HSD17B4: variants seen among roughly 807,000 people sequenced by gnomAD.
HSD17B4 encodes hydroxysteroid 17-beta dehydrogenase 4.
A neutral mutation model predicts 101.0 loss-of-function variants in HSD17B4; 70 were observed. That is an observed-to-expected ratio of 0.69 (90% CI 0.57 to 0.85). The LOEUF (loss-of-function observed/expected upper bound fraction) is 0.85. Among genes scored for constraint, HSD17B4 ranks in the 40% least tolerant of loss-of-function variants. HSD17B4 has a pLI of 0.00. For missense variants in HSD17B4, 984 were observed against 892.4 expected (o/e 1.10, Z -1.31); for synonymous variants, 347 against 297.1 (o/e 1.17, Z -1.73).
At chr5:119,510,753 T>C (rs1752094089) in intron 16 of HSD17B4, among the ~76,000 whole-genome samples, 1 of 152,206 alleles carries the variant, frequency 6.6e-6, no homozygotes, top group African/African-American at 2.4e-5. Context: ...TTGTTCTTCC[T>C]CTCCTGGCTG....
chr5:119,481,924 T>A (rs753780660), intron 8 of HSD17B4, among the ~76,000 whole-genome samples: 3 of 152,136 alleles, frequency 2.0e-5, no homozygotes, highest in Non-Finnish European at 2.9e-5. Flanking sequence ...TTTTTCCCCC[T>A]CTGTCTTCTT....
chr5:119,507,217 G>T (rs1751734193), intron 15 of HSD17B4, among the ~76,000 whole-genome samples: 1 of 152,182 alleles, frequency 6.6e-6, no homozygotes, highest in Admixed American at 6.5e-5. Context: ...AGGAATATTA[G>T]ATAGTCCTCA....
At chr5:119,533,494 C>G (rs1164630064) in intron 22 of HSD17B4, among the ~76,000 whole-genome samples, 2 of 151,876 alleles carry the variant, frequency 1.3e-5, no homozygotes, top group Non-Finnish European at 2.9e-5. Context: ...CTGATTATGT[C>G]TAAAAATCAA....
chr5:119,488,906 T>G (rs527273216), intron 8 of HSD17B4, among the ~76,000 whole-genome samples: 55 of 152,292 alleles, frequency 3.6e-4, no homozygotes, highest in African/African-American at 1.2e-3. Context: ...CTCACCAATC[T>G]TTGTCTAGGC....
chr5:119,529,973 C>T lies in HSD17B4; in HGVS notation c.1847C>T (p.Pro616Leu). The T allele has an allele frequency of 6.3e-7, 1 of 1,588,086 alleles. No individual in the cohort carries two copies. Among genetic ancestry groups the T allele is most frequent in the Non-Finnish European group, 8.6e-7 (1 of 1,156,890 alleles). ...APTSGTSAKT[P>L]SEGGKLQSTF... is the part of the protein sequence containing the mutation. The stretch of plus-strand genomic sequence containing the variant: ...ACATCTGGTACTTCAGCTAAGACAC[C>T]CTCTGAGGTAGGTTATAAAAATTAG... Residue 616 changes from proline to leucine, a missense_variant, in exon 21 of 24, where the codon CCC (proline) becomes CTC (leucine). By Grantham distance (98) the Pro-to-Leu change is moderately conservative. Coordinates refer to ENST00000510025, the MANE Select transcript of HSD17B4 (RefSeq NM_000414.4).
In HSD17B4 at chr5:119,474,448, T is replaced by G; in HGVS notation, c.268T>G (p.Phe90Val). ...GGTTGTGAAGACAGCCCTGGATGCT[T>G]TTGGAAGAATAGGTGATGTTTCTTT... ...EKVVKTALDA[F>V]GRIDVVVNNA... Residue 90 changes from phenylalanine to valine, a missense_variant, in exon 4 of 24, where the codon TTT (phenylalanine) becomes GTT (valine). Phe to Val is a conservative substitution (Grantham distance 50, BLOSUM62 -1). Transcript: ENST00000510025. The G allele has an allele frequency of 6.2e-7, 1 of 1,600,800 alleles. No individual in the cohort carries two copies. The highest frequency in any genetic ancestry group is 8.6e-7 in the Non-Finnish European group (1 of 1,167,920).
At chr5:119,535,866 C>T (rs1415236844) in intron 22 of HSD17B4, 1 of 154,234 alleles carries the variant, frequency 6.5e-6, no homozygotes. Context: ...CTGTAGTGAC[C>T]CTTTGTGATT....
intron 15 of HSD17B4, among the ~76,000 whole-genome samples, chr5:119,507,661 G>A (rs930462930): frequency 6.6e-6 from 1 of 151,736 alleles, no homozygotes; most frequent in South Asian, 2.1e-4. Context: ...GCGGGCGCCT[G>A]TAGTCCCGGC....
chr5:119,476,558 C>T (rs1011651747), intron 6 of HSD17B4: 1 of 985,012 alleles, frequency 1.0e-6, no homozygotes, highest in Non-Finnish European at 1.2e-6. Flanking sequence ...GCCTGACTGT[C>T]TTTTGGAAGA....
intron 2 of HSD17B4, among the ~76,000 whole-genome samples, chr5:119,467,663 T>C (rs1449759778): frequency 6.6e-6 from 1 of 152,236 alleles, no homozygotes; most frequent in Non-Finnish European, 1.5e-5. Flanking sequence ...ACATTTATAT[T>C]TTAAAAACCA....
intron 8 of HSD17B4, among the ~76,000 whole-genome samples, 186 bp downstream of exon 8, chr5:119,479,207 A>G (rs1458855177): frequency 6.6e-6 from 1 of 152,140 alleles, no homozygotes; most frequent in Admixed American, 6.6e-5. Flanking sequence ...ATAAAAAATG[A>G]CCCATAATTC....
intron 9 of HSD17B4, among the ~76,000 whole-genome samples, chr5:119,491,156 CTTA>C (rs1449304123): frequency 6.6e-6 from 1 of 152,094 alleles, no homozygotes; most frequent in Non-Finnish European, 1.5e-5. Flanking sequence ...GAACTTGTAG[CTTA>C]TTACTTCGCT....
In HSD17B4 at chr5:119,510,545, C is replaced by T. The variant is rs141471116; in HGVS notation, c.1437+1301C>T. Among the ~76,000 whole-genome samples the T allele has an allele frequency of 1.1e-4, 17 of 152,256 alleles. No individual in the cohort carries two copies. In the East Asian group the frequency reaches 1.2e-3, roughly 10 times the overall value. On this transcript the variant is annotated intron_variant, in intron 16 of 23. Coordinates refer to ENST00000510025, the MANE Select transcript of HSD17B4 (RefSeq NM_000414.4). ...TGGGAAAAGACTTCTGGAATGGTGACGTAAGAAGCTCCTTGGACTTTCTTG... is the reference window on the plus strand; with the variant it reads ...TGGGAAAAGACTTCTGGAATGGTGATGTAAGAAGCTCCTTGGACTTTCTTG...
At position 119,518,162 on chromosome 5, in the gene HSD17B4, C is replaced by T. The variant is rs959429270; in HGVS notation, c.1503+3116C>T. On this transcript the variant is annotated intron_variant, in intron 17 of 23. Coordinates refer to ENST00000510025, the MANE Select transcript of HSD17B4 (RefSeq NM_000414.4). The stretch of plus-strand genomic sequence containing the variant: ...TCACTCTTTGCAATAAATCTTGCTA[C>T]TGCTCACTCTTTGGGTCCACACTGC... Among the ~76,000 whole-genome samples, 3 of 152,150 alleles carry T rather than the reference C, an allele frequency of 2.0e-5. No homozygotes were observed. The East Asian group carries it at 5.8e-4, about 29-fold the overall frequency.
At position 119,452,773 on chromosome 5, in the gene HSD17B4, C is replaced by G. The variant is rs1316869711; in HGVS notation, c.58+140C>G. On this transcript the variant is annotated intron_variant, in intron 1 of 23. Transcript: ENST00000510025. ...AGGGGAATGGTTATTCTTGAGGCAC[C>G]GCATCTCTTGAGGAGGAAAGAGCCG... 2.6e-6 allele frequency: 4 copies of G among 1,563,482 alleles called. No homozygotes were observed. The Admixed American group carries it at 7.6e-5, about 30-fold the overall frequency.
At chr5:119,474,318 G>C in intron 3 of HSD17B4, 83 bp from the exon 4 acceptor site, 1 of 840,082 alleles carries the variant, frequency 1.2e-6, no homozygotes, top group South Asian at 1.3e-5. Context: ...AATAGTATTT[G>C]TCGTGTACTC....
chr5:119,517,319 G>A (rs183362893), intron 17 of HSD17B4, among the ~76,000 whole-genome samples: 620 of 152,306 alleles, frequency 4.1e-3, no homozygotes, highest in Admixed American at 8.1e-3. Context: ...TCGATTTCTC[G>A]CTGGACCTTA....
At chr5:119,471,135 A>G (rs1188272447) in intron 2 of HSD17B4, among the ~76,000 whole-genome samples, 1 of 152,210 alleles carries the variant, frequency 6.6e-6, no homozygotes, top group Non-Finnish European at 1.5e-5. Flanking sequence ...AAAAAGGGTC[A>G]TAAAAGACTG....
intron 18 of HSD17B4, 144 bp downstream of exon 18, chr5:119,525,429 A>G: frequency 1.5e-6 from 1 of 682,952 alleles, no homozygotes; most frequent in Non-Finnish European, 2.6e-6. Flanking sequence ...TATGCAAAGG[A>G]TATGGAAAGG....
Sources: gnomAD v4.1 joint callset for allele counts (sites outside exome capture counted in the v4.1 genomes callset) on GRCh38, gnomAD v4.1.1 for gene constraint, MANE v1.5 for transcripts, NCBI Gene and HGNC (gene_info 2026-07-23, HGNC 2026-07-21) for gene names.